Variants in NCEH1 observed in about 807,000 individuals in gnomAD.
The protein encoded by NCEH1 is neutral cholesterol ester hydrolase 1.
A neutral mutation model predicts 25.4 loss-of-function variants in NCEH1; 9 were observed. The observed-to-expected ratio is 0.35, with a 90% CI of 0.21 to 0.62. NCEH1 has a LOEUF of 0.62. Among genes scored for constraint, NCEH1 ranks in the 20% least tolerant of loss-of-function variants. The pLI, the probability that NCEH1 is intolerant of heterozygous loss-of-function variation, is 0.72. For missense variants in NCEH1, 412 were observed against 501.1 expected (o/e 0.82, Z 1.70); for synonymous variants, 200 against 199.8 (o/e 1.00, Z -0.01).
At chr3:172,689,631 G>A (rs376469913) in intron 1 of NCEH1, among the ~76,000 whole-genome samples, 145,182 of 145,224 alleles carry the variant, frequency 1, 72,570 homozygotes, top group Middle Eastern at 1. Flanking sequence ...GACCACCTGA[G>A]CGCCAGGAGG....
At chr3:172,674,443 C>CAAAAA (rs146923940) in intron 1 of NCEH1, among the ~76,000 whole-genome samples, 1 of 71,026 alleles carries the variant, frequency 1.4e-5, no homozygotes, top group Non-Finnish European at 3.0e-5. Context: ...ACTCTGTCTC[C>CAAAAA]AAAAAAAAAA....
intron 3 of NCEH1, among the ~76,000 whole-genome samples, chr3:172,639,436 C>G (rs928019281): frequency 6.6e-6 from 1 of 151,886 alleles, no homozygotes; most frequent in African/African-American, 2.4e-5. Flanking sequence ...TTTGTAATAT[C>G]TAGACACAGA....
At chr3:172,671,992 T>C (rs1317591758) in intron 1 of NCEH1, among the ~76,000 whole-genome samples, 1 of 152,232 alleles carries the variant, frequency 6.6e-6, no homozygotes, top group Non-Finnish European at 1.5e-5. Flanking sequence ...CATAGTAATG[T>C]CCTAGGCCTT....
rs1577046439 is a variant in NCEH1, at chr3:172,631,977, G to C, written c.*1498C>G. 4 of 152,742 alleles carry C rather than the reference G, an allele frequency of 2.6e-5. No homozygotes were observed. The East Asian group carries it at 5.8e-4, about 22-fold the overall frequency. 9.5% of individuals were successfully genotyped at this position (152,742 alleles called of 1,614,324 possible). ...TGTCAAAGATGTTCCCACTGGCAGT[G>C]AAGACTTTACATGAAGTTAAGCTTG... On this transcript the variant is annotated 3_prime_UTR_variant, in exon 5 of 5. Coordinates refer to ENST00000475381, the MANE Select transcript of NCEH1 (RefSeq NM_020792.6).
At chr3:172,677,756 G>A (rs1402053888) in intron 1 of NCEH1, among the ~76,000 whole-genome samples, 5 of 152,130 alleles carry the variant, frequency 3.3e-5, no homozygotes, top group African/African-American at 1.2e-4. Context: ...GCGAAACCCC[G>A]TCTCTACTAA....
intron 1 of NCEH1, chr3:172,703,145 A>G (rs1046809229): frequency 1.3e-5 from 2 of 152,370 alleles, no homozygotes; most frequent in Admixed American, 1.3e-4. Flanking sequence ...AGCAGCACAT[A>G]CACTAAAACC....
At chr3:172,700,082 T>C (rs1713596706) in intron 1 of NCEH1, among the ~76,000 whole-genome samples, 1 of 152,194 alleles carries the variant, frequency 6.6e-6, no homozygotes, top group Non-Finnish European at 1.5e-5. Context: ...TACAAATGGA[T>C]TACAGATGGG....
intron 1 of NCEH1, chr3:172,681,139 G>A (rs1712353054): frequency 2.6e-5 from 4 of 152,068 alleles, no homozygotes; most frequent in African/African-American, 9.7e-5. Context: ...AGGAGGGGCA[G>A]GAAGAAGGGG....
chr3:172,666,319 G>C (rs1577069929), intron 1 of NCEH1, among the ~76,000 whole-genome samples: 1 of 152,146 alleles, frequency 6.6e-6, no homozygotes, highest in South Asian at 2.1e-4. Context: ...GCATATTAAA[G>C]GGCTAAGGTG....
intron 3 of NCEH1, 183 bp from the exon 4 acceptor site, chr3:172,636,270 AC>A (rs1221873907): frequency 1.8e-5 from 8 of 441,618 alleles, no homozygotes; most frequent in Non-Finnish European, 3.2e-5. Context: ...CAAATCAAAT[AC>A]TTAGTTTAAA....
chr3:172,640,044 T>A (rs1286104883), intron 3 of NCEH1, among the ~76,000 whole-genome samples: 1 of 152,224 alleles, frequency 6.6e-6, no homozygotes, highest in African/African-American at 2.4e-5. Flanking sequence ...CTAAGAGGGT[T>A]GAAATGCGCA....
At chr3:172,708,400 G>A (rs1714123032) in intron 1 of NCEH1, among the ~76,000 whole-genome samples, 1 of 152,178 alleles carries the variant, frequency 6.6e-6, no homozygotes, top group Admixed American at 6.5e-5. Flanking sequence ...TTGTTGCCCA[G>A]GCTGGAGTGC....
Position 172,631,630 on chromosome 3 carries a change from A to G in NCEH1, c.*1845T>C, listed in dbSNP as rs1466639109. 6.6e-6 allele frequency: 1 copy of G among 152,668 alleles called. No homozygotes were observed. Among genetic ancestry groups the G allele is most frequent in the Non-Finnish European group, 1.5e-5 (1 of 68,046 alleles). 9.5% of individuals were successfully genotyped at this position (152,668 alleles called of 1,614,324 possible). A position where few individuals can be genotyped will look rare whatever the true frequency, so the allele number is the denominator to read the frequency against. On this transcript the variant is annotated 3_prime_UTR_variant, in exon 5 of 5. Transcript: ENST00000475381. ...TAAGTACATTAGCAAGTTAGCTTCAATGGTTATTTTTATACACACACAGGC... is the reference window on the plus strand; with the variant it reads ...TAAGTACATTAGCAAGTTAGCTTCAGTGGTTATTTTTATACACACACAGGC...
intron 1 of NCEH1, among the ~76,000 whole-genome samples, chr3:172,666,465 C>T (rs1718213245): frequency 1.3e-5 from 2 of 152,194 alleles, no homozygotes; most frequent in Admixed American, 1.3e-4. Context: ...CACCAAGTTT[C>T]TGTTTGTTCT....
chr3:172,668,347 C>CTT (rs1560193718), intron 1 of NCEH1, among the ~76,000 whole-genome samples: 2 of 87,366 alleles, frequency 2.3e-5, no homozygotes, highest in East Asian at 3.3e-4. Context: ...GAAAAGGAAG[C>CTT]ATTTTTTTTT....
chr3:172,694,608 T>C (rs951154069), intron 1 of NCEH1, among the ~76,000 whole-genome samples: 1 of 152,122 alleles, frequency 6.6e-6, no homozygotes, highest in Admixed American at 6.5e-5. Context: ...AGGTTACGGG[T>C]TGAGACTTTG....
chr3:172,653,735 G>GTTTTTGTTTT lies in NCEH1; in HGVS notation c.139-5622_139-5621insAAAACAAAAA, dbSNP rs780071347. On this transcript the variant is annotated intron_variant, in intron 1 of 4. Transcript: ENST00000475381. ...TTGTTTTTGTTGTTGTTGTTGTTCT[G>GTTTTTGTTTT]TTTTTTTTGTTTTTTTGTTTTTTTG... 2.9e-3 allele frequency among the ~76,000 whole-genome samples: 205 copies of GTTTTTGTTTT among 70,990 alleles called. 5 individuals carry two copies. The Middle Eastern group carries it at 0.029, about 10-fold the overall frequency. The allele number at this position is 70,990 out of a possible 152,430, so 46.6% of individuals were successfully genotyped here. A position where few individuals can be genotyped will look rare whatever the true frequency, so the allele number is the denominator to read the frequency against.
intron 1 of NCEH1, among the ~76,000 whole-genome samples, chr3:172,679,332 T>C (rs1313001798): frequency 6.6e-6 from 1 of 152,234 alleles, no homozygotes; most frequent in Non-Finnish European, 1.5e-5. Context: ...TTTAAGAATG[T>C]TAGCACAGGT....
intron 1 of NCEH1, among the ~76,000 whole-genome samples, chr3:172,697,340 A>C (rs1165496613): frequency 6.6e-6 from 1 of 152,110 alleles, no homozygotes; most frequent in East Asian, 1.9e-4. Context: ...GTAAAATAAA[A>C]CTTAAGCTTA....
Sources: gnomAD v4.1 joint callset for allele counts (sites outside exome capture counted in the v4.1 genomes callset) on GRCh38, gnomAD v4.1.1 for gene constraint, MANE v1.5 for transcripts, NCBI Gene and HGNC (gene_info 2026-07-23, HGNC 2026-07-21) for gene names.